MORN3: variants seen among roughly 807,000 people sequenced by gnomAD.
The protein encoded by MORN3 is MORN repeat-containing protein 3.
Under a neutral mutation model 34.7 loss-of-function variants are expected in MORN3, and 38 were observed. The ratio of observed to expected loss-of-function variants is 1.10; its 90% CI spans 0.85 to 1.44. The LOEUF (loss-of-function observed/expected upper bound fraction) is 1.44, where lower values mean the gene tolerates loss of function less well. Ranked by LOEUF, MORN3 falls within the 40% of genes most tolerant of loss-of-function variation. The pLI is 0.00. For missense variants in MORN3, 311 were observed against 321.7 expected (o/e 0.97, Z 0.25); for synonymous variants, 109 against 115.3 (o/e 0.95, Z 0.35).
At chr12:121,671,460 G>C (rs187632903), upstream of MORN3, among the ~76,000 whole-genome samples, 107 of 150,592 alleles carry the variant, frequency 7.1e-4, no homozygotes, top group Non-Finnish European at 1.2e-3. Flanking sequence ...ATTATAAATA[G>C]AAAACCAGTA....
chr12:121,652,902 G>C, intron 4 of MORN3, 94 bp from the exon 5 acceptor site: 1 of 1,478,078 alleles, frequency 6.8e-7, no homozygotes, highest in South Asian at 1.2e-5. Context: ...GGTGCTGCCA[G>C]CCTCATCAGG....
intron 5 of MORN3, 96 bp from the exon 6 acceptor site, chr12:121,651,740 GACTGGACAAGACCCC>G (rs1479462100): frequency 6.6e-6 from 1 of 152,178 alleles, no homozygotes. Context: ...GGAGGACTTG[GACTGGACAAGACCCC>G]ACTGGACAGA....
upstream of MORN3, chr12:121,672,494 G>T (rs1007254598): frequency 6.6e-6 from 1 of 152,360 alleles, no homozygotes; most frequent in Non-Finnish European, 1.5e-5. Context: ...CACAGTGGAA[G>T]AGGGAGGAGC....
intron 5 of MORN3, among the ~76,000 whole-genome samples, chr12:121,652,258 GA>G (rs1555325159): frequency 6.0e-5 from 9 of 150,390 alleles, no homozygotes; most frequent in Non-Finnish European, 1.0e-4. Flanking sequence ...TTTTGAGACA[GA>G]GTCCCATTCT....
chr12:121,652,605 T>TGGTC, intron 5 of MORN3, 123 bp downstream of exon 5: 1 of 801,544 alleles, frequency 1.2e-6, no homozygotes, highest in African/African-American at 1.7e-5. Context: ...CTGCCCTCGA[T>TGGTC]GGTCTTGCTC....
rs535515934 is a variant in MORN3 at position 121,662,984 on chromosome 12, T to G, written c.146-3636A>C. Among the ~76,000 whole-genome samples, 3 of 152,042 alleles carry G rather than the reference T, an allele frequency of 2.0e-5. No individual in the cohort carries two copies. In the South Asian group the frequency reaches 6.2e-4, roughly 32 times the overall value. On this transcript the variant is annotated intron_variant, in intron 1 of 5. Transcript: ENST00000355329. ...CCTGGCAACAGAGCGGGACTCCGTC[T>G]CAAAAAGACAAAACAAAACAAAAAC...
chr12:121,665,374 T>C (rs1893719302), intron 1 of MORN3, among the ~76,000 whole-genome samples: 1 of 127,234 alleles, frequency 7.9e-6, no homozygotes, highest in South Asian at 2.7e-4. Context: ...CACTGCAAGC[T>C]CCGCCTCCCA....
At chr12:121,670,031 G>A (rs1288773339), upstream of MORN3, among the ~76,000 whole-genome samples, 7 of 151,376 alleles carry the variant, frequency 4.6e-5, no homozygotes, top group East Asian at 9.7e-4. Flanking sequence ...CCACCACCAC[G>A]CCTGGCTAAT....
intron 3 of MORN3, 134 bp downstream of exon 3, chr12:121,654,140 C>T: frequency 3.0e-6 from 2 of 675,960 alleles, no homozygotes; most frequent in South Asian, 4.3e-5. Context: ...CTCTCTTGTC[C>T]CACATTGACA....
At chr12:121,670,925 A>C (rs1442669878), upstream of MORN3, among the ~76,000 whole-genome samples, 1 of 151,608 alleles carries the variant, frequency 6.6e-6, no homozygotes, top group Non-Finnish European at 1.5e-5. Context: ...AGCCTGGCCA[A>C]CATGGCGAAA....
intron 1 of MORN3, among the ~76,000 whole-genome samples, chr12:121,662,848 C>G (rs746874865): frequency 1.1e-4 from 16 of 151,858 alleles, no homozygotes; most frequent in Non-Finnish European, 2.4e-4. Flanking sequence ...CAAGAACAGC[C>G]TGGCCAACAT....
At chr12:121,656,038 A>G (rs1339122192) in intron 2 of MORN3, among the ~76,000 whole-genome samples, 3 of 152,098 alleles carry the variant, frequency 2.0e-5, no homozygotes, top group Non-Finnish European at 4.4e-5. Flanking sequence ...TCAAAAAACA[A>G]AAAACACCAC....
At chr12:121,662,521 C>T (rs1468238339) in intron 1 of MORN3, among the ~76,000 whole-genome samples, 1 of 151,760 alleles carries the variant, frequency 6.6e-6, no homozygotes. Flanking sequence ...TTTGGGAGGC[C>T]GAGGCAGGCG....
At chr12:121,658,382 C>A (rs1227165737) in intron 2 of MORN3, among the ~76,000 whole-genome samples, 1 of 151,520 alleles carries the variant, frequency 6.6e-6, no homozygotes, top group African/African-American at 2.4e-5. Context: ...CTGGCTAACA[C>A]GGTGAAACCC....
At chr12:121,666,448 G>A (rs1893757667) in intron 1 of MORN3, among the ~76,000 whole-genome samples, 1 of 152,040 alleles carries the variant, frequency 6.6e-6, no homozygotes, top group Non-Finnish European at 1.5e-5. Flanking sequence ...AGGTTTCAGT[G>A]AGCCGAGATC....
rs764201963 is a variant in MORN3, at chr12:121,669,371, T to C, written c.113A>G (p.Tyr38Cys). The C allele has an allele frequency of 6.1e-5, 98 of 1,613,556 alleles. No individual in the cohort carries two copies. Among genetic ancestry groups the C allele is most frequent in the Non-Finnish European group, 7.9e-5 (93 of 1,179,704 alleles). The change falls in exon 1 of 6, where the codon TAT becomes TGT. Residue 38 changes from tyrosine (Y) to cysteine (C), a missense_variant. By Grantham distance (194) the Tyr-to-Cys change is radical. Coordinates refer to ENST00000355329, the MANE Select transcript of MORN3 (RefSeq NM_173855.5). ...SQVYAVNGDY[Y>C]VGEWKDNVKH... ...CACGTTGTCCTTCCACTCGCCCACA[T>C]AGTAGTCGCCATTCACAGCGTATAC...
intron 1 of MORN3, among the ~76,000 whole-genome samples, chr12:121,667,638 A>T (rs1053238774): frequency 6.6e-6 from 1 of 151,296 alleles, no homozygotes; most frequent in Non-Finnish European, 1.5e-5. Context: ...CCCCAGGTAT[A>T]TTCTCTGCTC....
chr12:121,662,027 C>A (rs1448631799), intron 1 of MORN3, among the ~76,000 whole-genome samples: 1 of 151,936 alleles, frequency 6.6e-6, no homozygotes, highest in Non-Finnish European at 1.5e-5. Flanking sequence ...AAGACAAATA[C>A]TGCATGATTT....
rs1044322451 is a variant in MORN3 at position 121,650,572 on chromosome 12, C to T, written c.*1079G>A. 6.7e-6 allele frequency: 1 copy of T among 148,596 alleles called. No individual in the cohort carries two copies. 9.2% of individuals were successfully genotyped at this position (148,596 alleles called of 1,614,324 possible). A position where few individuals can be genotyped will look rare whatever the true frequency, so the allele number is the denominator to read the frequency against. Reference sequence around the variant, plus strand: ...AAAAGGCCAGGCTCGATGGCTCACACCTGTAATCCCAGCACTTTAGGAGAC... The same window carrying T: ...AAAAGGCCAGGCTCGATGGCTCACATCTGTAATCCCAGCACTTTAGGAGAC... On this transcript the variant is annotated 3_prime_UTR_variant, in exon 6 of 6. Transcript: ENST00000355329.
Sources: gnomAD v4.1 joint callset for allele counts (sites outside exome capture counted in the v4.1 genomes callset) on GRCh38, gnomAD v4.1.1 for gene constraint, MANE v1.5 for transcripts, NCBI Gene and HGNC (gene_info 2026-07-23, HGNC 2026-07-21) for gene names.